Variants in TENM3 observed in about 807,000 individuals in gnomAD.
TENM3 encodes teneurin transmembrane protein 3, also known as teneurin-3.
A neutral mutation model predicts 255.1 loss-of-function variants in TENM3; 63 were observed. That is an observed-to-expected ratio of 0.25 (90% confidence interval 0.20 to 0.30). TENM3 has a LOEUF of 0.30. TENM3 is among the 10% of genes least tolerant of loss of function. The pLI is 1.00. For synonymous variants in TENM3, 1,306 were observed against 1,322.3 expected (o/e 0.99, Z 0.27); for missense variants, 2,929 against 3,461.1 (o/e 0.85, Z 3.86).
At chr4:181,516,956 A>G in the TENM3 span, among the ~76,000 whole-genome samples, 5 of 152,176 alleles carry the variant, frequency 3.3e-5, no homozygotes, top group East Asian at 1.9e-4. Context: ...AGGGATTCCA[A>G]TCTCTGCAGC....
At chr4:181,888,520 A>ATGTG in the TENM3 span, among the ~76,000 whole-genome samples, 1 of 92,210 alleles carries the variant, frequency 1.1e-5, no homozygotes, top group African/African-American at 5.4e-5. Context: ...ATATATGTAT[A>ATGTG]TATATACATA....
chr4:182,599,668 A>G (rs948627608), intron 3 of TENM3, among the ~76,000 whole-genome samples: 12 of 152,208 alleles, frequency 7.9e-5, no homozygotes, highest in African/African-American at 2.7e-4. Context: ...TTTCATGCAA[A>G]CTGAATTACA....
At chr4:182,171,670 G>A (rs1466753016) in intron 1 of TENM3, among the ~76,000 whole-genome samples, 3 of 152,148 alleles carry the variant, frequency 2.0e-5, no homozygotes, top group Non-Finnish European at 4.4e-5. Context: ...TCAGTGCCAA[G>A]TATGTTTTCC....
the TENM3 span, among the ~76,000 whole-genome samples, chr4:181,793,687 T>C: frequency 2.6e-5 from 4 of 152,170 alleles, no homozygotes; most frequent in Non-Finnish European, 5.9e-5. Context: ...ATCAAGAGTT[T>C]GAAATTTAAA....
At chr4:182,722,214 A>C (rs2152694783) in intron 13 of TENM3, among the ~76,000 whole-genome samples, 1 of 152,326 alleles carries the variant, frequency 6.6e-6, no homozygotes, top group South Asian at 2.1e-4. Context: ...CAATTAATCA[A>C]GAACATTTTT....
intron 3 of TENM3, among the ~76,000 whole-genome samples, chr4:182,394,606 A>T (rs933357265): frequency 2.0e-5 from 3 of 152,172 alleles, no homozygotes; most frequent in African/African-American, 7.2e-5. Flanking sequence ...TTTTGTTTTA[A>T]TCATTTCTGT....
the TENM3 span, among the ~76,000 whole-genome samples, chr4:181,786,370 A>C: frequency 6.6e-6 from 1 of 152,178 alleles, no homozygotes; most frequent in Non-Finnish European, 1.5e-5. Flanking sequence ...TGTGCACGGG[A>C]GTCATACAAA....
chr4:182,332,092 T>A (rs537391583), intron 2 of TENM3, among the ~76,000 whole-genome samples: 1 of 152,226 alleles, frequency 6.6e-6, no homozygotes, highest in East Asian at 1.9e-4. Context: ...TATTTGGCCA[T>A]CTAAAGAAAC....
the TENM3 span, among the ~76,000 whole-genome samples, chr4:181,692,397 G>A: frequency 6.6e-6 from 1 of 152,280 alleles, no homozygotes; most frequent in East Asian, 1.9e-4. Flanking sequence ...CGTGTGTCAT[G>A]TTCTAGGATT....
At chr4:181,756,738 T>C in the TENM3 span, among the ~76,000 whole-genome samples, 2 of 152,216 alleles carry the variant, frequency 1.3e-5, no homozygotes, top group African/African-American at 4.8e-5. Context: ...ACTGACATGC[T>C]GATGGCCAAA....
At chr4:182,508,358 T>G (rs549562345) in intron 3 of TENM3, among the ~76,000 whole-genome samples, 1 of 152,334 alleles carries the variant, frequency 6.6e-6, no homozygotes, top group East Asian at 1.9e-4. Flanking sequence ...GTGATTATGG[T>G]TGTATAAATC....
At chr4:181,701,317 A>C in the TENM3 span, among the ~76,000 whole-genome samples, 1 of 152,254 alleles carries the variant, frequency 6.6e-6, no homozygotes, top group African/African-American at 2.4e-5. Flanking sequence ...CACTCAGTGC[A>C]GTGGTTGAAG....
the TENM3 span, among the ~76,000 whole-genome samples, chr4:181,891,118 A>G: frequency 6.6e-6 from 1 of 152,180 alleles, no homozygotes; most frequent in Non-Finnish European, 1.5e-5. Context: ...ATGGATTGTT[A>G]CTGGAACATT....
the TENM3 span, among the ~76,000 whole-genome samples, chr4:181,519,126 C>A: frequency 6.6e-6 from 1 of 152,296 alleles, no homozygotes; most frequent in Non-Finnish European, 1.5e-5. Flanking sequence ...TGGAAATCTG[C>A]AGCTGGGCAA....
At chr4:182,105,640 C>T in the TENM3 span, among the ~76,000 whole-genome samples, 9 of 152,226 alleles carry the variant, frequency 5.9e-5, no homozygotes, top group Non-Finnish European at 1.0e-4. Flanking sequence ...AGTTAGAGCA[C>T]ATCAGTCTCC....
the TENM3 span, chr4:182,085,068 C>T: frequency 6.6e-6 from 1 of 152,146 alleles, no homozygotes; most frequent in African/African-American, 2.4e-5. Context: ...CGCTGTTTGC[C>T]ATCCATAAAG....
At chr4:181,984,433 A>C in the TENM3 span, among the ~76,000 whole-genome samples, 1 of 152,234 alleles carries the variant, frequency 6.6e-6, no homozygotes, top group African/African-American at 2.4e-5. Flanking sequence ...TGGATTGTTT[A>C]AAATTTCCGG....
Position 182,603,784 on chromosome 4 carries a change from T to TATATATATATACAC in TENM3, c.749+2624_749+2625insTATATATATACACA, listed in dbSNP as rs58332965. On this transcript the variant is annotated intron_variant, in intron 4 of 27. Coordinates refer to ENST00000511685, the MANE Select transcript of TENM3 (RefSeq NM_001080477.4). ...AATTATTTATATATATATATATATATACACACACACACCGATTTTGCTAAT... is the reference window on the plus strand; with the variant it reads ...AATTATTTATATATATATATATATATATATATATATACACACACACACACACCGATTTTGCTAAT... 7.9e-3 allele frequency among the ~76,000 whole-genome samples: 1,054 copies of TATATATATATACAC among 134,136 alleles called. 24 individuals are homozygous for TATATATATATACAC. The highest frequency in any genetic ancestry group is 0.027 in the African/African-American group (989 of 36,400). The allele number at this position is 134,136 out of a possible 152,430, so 88.0% of individuals were successfully genotyped here.
chr4:181,780,923 G>C, the TENM3 span, among the ~76,000 whole-genome samples: 1 of 152,182 alleles, frequency 6.6e-6, no homozygotes, highest in African/African-American at 2.4e-5. Context: ...TCAAAGATCA[G>C]ATGGTCATAG....
Sources: allele counts gnomAD v4.1 joint callset (sites outside exome capture counted in the v4.1 genomes callset), GRCh38; gene constraint gnomAD v4.1.1; transcripts MANE v1.5; gene names NCBI Gene and HGNC (gene_info 2026-07-23, HGNC 2026-07-21).